DIAPH3: variants seen among roughly 807,000 people sequenced by gnomAD.
The protein encoded by DIAPH3 is diaphanous related formin 3.
DIAPH3 carries 117 observed loss-of-function variants against 144.3 expected under a neutral mutation model. The observed-to-expected ratio is 0.81, with a 90% confidence interval of 0.70 to 0.95. The LOEUF (loss-of-function observed/expected upper bound fraction) is 0.95. Ranked by LOEUF, DIAPH3 falls within the 40% of genes least tolerant of loss-of-function variation. The pLI, the probability that DIAPH3 is intolerant of heterozygous loss-of-function variation, is 0.00. For synonymous variants in DIAPH3, 519 were observed against 488.9 expected, an observed-to-expected ratio of 1.06 and a Z score of -0.81; for missense variants, 1,421 against 1,412.7, an observed-to-expected ratio of 1.01 and a Z score of -0.09.
chr13:60,113,868 T>C (rs906009825), intron 2 of DIAPH3, among the ~76,000 whole-genome samples: 3 of 151,974 alleles, frequency 2.0e-5, no homozygotes, highest in African/African-American at 7.3e-5. Context: ...CCCCAGCCAT[T>C]TGGCAAGTCT....
intron 4 of DIAPH3, among the ~76,000 whole-genome samples, chr13:60,075,137 T>C (rs539027221): frequency 2.0e-5 from 3 of 152,306 alleles, no homozygotes; most frequent in African/African-American, 7.2e-5. Context: ...GTTTTTCTAT[T>C]ATGACAGACA....
At chr13:60,066,224 AT>A (rs543084674) in intron 4 of DIAPH3, among the ~76,000 whole-genome samples, 3 of 152,084 alleles carry the variant, frequency 2.0e-5, no homozygotes, top group African/African-American at 7.2e-5. Flanking sequence ...TAATGGATTA[AT>A]TTTTTTAATA....
At chr13:59,757,477 T>G (rs914294432) in intron 27 of DIAPH3, among the ~76,000 whole-genome samples, 1 of 137,052 alleles carries the variant, frequency 7.3e-6, no homozygotes, top group Admixed American at 8.1e-5. Flanking sequence ...CTCGGCTCAC[T>G]GCAAGCTCCG....
intron 5 of DIAPH3, among the ~76,000 whole-genome samples, chr13:60,040,226 CAAA>C (rs5803983): frequency 5.7e-5 from 2 of 34,834 alleles, no homozygotes; most frequent in South Asian, 1.8e-3. Flanking sequence ...GACTCCATCT[CAAA>C]AAAAAAAAAA....
chr13:59,837,845 T>G (rs1027056495), intron 23 of DIAPH3: 2 of 149,768 alleles, frequency 1.3e-5, no homozygotes, highest in Non-Finnish European at 3.0e-5. Flanking sequence ...AGAAACTGGA[T>G]GGGTGGCAAG....
rs1214403332 is a variant in DIAPH3 at position 60,156,625 on chromosome 13, G to C, written c.180+6962C>G. Among the ~76,000 whole-genome samples the C allele has an allele frequency of 4.6e-5, 7 of 151,930 alleles. 1 individual carries two copies. Among genetic ancestry groups the C allele is most frequent in the Admixed American group, 4.6e-4 (7 of 15,250 alleles). Reference sequence around the variant, plus strand: ...AGATGTCTGGGAAAGAGATTCACAAGTTGAATATCTTCTGGAGGATACAAC... The same window carrying C: ...AGATGTCTGGGAAAGAGATTCACAACTTGAATATCTTCTGGAGGATACAAC... On this transcript the variant is annotated intron_variant, in intron 1 of 27. Coordinates refer to ENST00000400324, the MANE Select transcript of DIAPH3 (RefSeq NM_001042517.2).
At chr13:59,994,230 A>T (rs933936870) in intron 9 of DIAPH3, among the ~76,000 whole-genome samples, 2 of 151,950 alleles carry the variant, frequency 1.3e-5, no homozygotes, top group African/African-American at 4.8e-5. Flanking sequence ...CATGGCTTAC[A>T]ATCTATTTAA....
chr13:59,928,335 TTTC>T (rs796121572), intron 17 of DIAPH3, among the ~76,000 whole-genome samples: 102 of 152,268 alleles, frequency 6.7e-4, no homozygotes, highest in African/African-American at 2.2e-3. Flanking sequence ...CTTCACTGAG[TTTC>T]CTTACAATCA....
At chr13:59,690,510 C>A (rs754343112) in intron 27 of DIAPH3, among the ~76,000 whole-genome samples, 1 of 152,072 alleles carries the variant, frequency 6.6e-6, no homozygotes, top group Non-Finnish European at 1.5e-5. Context: ...GAAAACATTG[C>A]ACATTTGTAA....
chr13:59,882,868 T>A (rs2045167066), intron 20 of DIAPH3, among the ~76,000 whole-genome samples: 1 of 152,142 alleles, frequency 6.6e-6, no homozygotes, highest in African/African-American at 2.4e-5. Context: ...AAAAATACAT[T>A]GATTTCACTC....
At chr13:59,834,060 A>T (rs1391093206) in intron 23 of DIAPH3, among the ~76,000 whole-genome samples, 1 of 151,782 alleles carries the variant, frequency 6.6e-6, no homozygotes, top group African/African-American at 2.4e-5. Flanking sequence ...ACACAGGCAC[A>T]CACATATAGA....
At chr13:59,900,817 C>T (rs917875689) in intron 20 of DIAPH3, among the ~76,000 whole-genome samples, 1 of 152,170 alleles carries the variant, frequency 6.6e-6, no homozygotes, top group Non-Finnish European at 1.5e-5. Context: ...AAGAGGTCAA[C>T]AGACCCTTAG....
At chr13:60,038,004 AAAAACATATAAAACC>A (rs2055353776) in intron 5 of DIAPH3, among the ~76,000 whole-genome samples, 1 of 152,124 alleles carries the variant, frequency 6.6e-6, no homozygotes, top group African/African-American at 2.4e-5. Context: ...CATACAGTTC[AAAAACATATAAAACC>A]AAACAGTAGG....
At chr13:59,712,395 G>A (rs2034798301) in intron 27 of DIAPH3, among the ~76,000 whole-genome samples, 1 of 152,206 alleles carries the variant, frequency 6.6e-6, no homozygotes, top group Non-Finnish European at 1.5e-5. Flanking sequence ...TAACTCAAGA[G>A]CCATATGTTT....
intron 25 of DIAPH3, among the ~76,000 whole-genome samples, chr13:59,787,759 C>A (rs556552979): frequency 6.6e-6 from 1 of 152,104 alleles, no homozygotes; most frequent in African/African-American, 2.4e-5. Context: ...GTGTTCCCCC[C>A]CAACCCCAAA....
chr13:60,016,026 C>T, intron 6 of DIAPH3, 44 bp from the exon 7 acceptor site: 1 of 1,609,494 alleles, frequency 6.2e-7, no homozygotes, highest in Non-Finnish European at 8.5e-7. Flanking sequence ...TATAATTGGA[C>T]ATATGAATGA....
chr13:59,753,443 G>A (rs2037112103), intron 27 of DIAPH3, among the ~76,000 whole-genome samples: 1 of 152,116 alleles, frequency 6.6e-6, no homozygotes, highest in African/African-American at 2.4e-5. Flanking sequence ...AGTTTTTTGG[G>A]ACTCAAAAGT....
chr13:60,080,504 T>A (rs1316377575), intron 4 of DIAPH3, among the ~76,000 whole-genome samples: 1 of 151,876 alleles, frequency 6.6e-6, no homozygotes, highest in Non-Finnish European at 1.5e-5. Flanking sequence ...ATTAGAAAAC[T>A]TTTACATTTC....
At chr13:60,091,366 C>A (rs757972335) in intron 4 of DIAPH3, among the ~76,000 whole-genome samples, 1 of 152,176 alleles carries the variant, frequency 6.6e-6, no homozygotes, top group Non-Finnish European at 1.5e-5. Flanking sequence ...GGCACGATCT[C>A]GGCTCACTGC....
Sources: gnomAD v4.1 joint callset for allele counts (sites outside exome capture counted in the v4.1 genomes callset) on GRCh38, gnomAD v4.1.1 for gene constraint, MANE v1.5 for transcripts, NCBI Gene and HGNC (gene_info 2026-07-23, HGNC 2026-07-21) for gene names.